Variants in SPTLC1 observed in about 807,000 individuals in gnomAD.
SPTLC1 encodes the protein serine palmitoyltransferase 1.
In SPTLC1, 55 loss-of-function variants were observed where a neutral mutation model predicts 68.9. That is an observed-to-expected ratio of 0.80 (90% confidence interval 0.64 to 1.00). SPTLC1 has a LOEUF of 1.00. SPTLC1 is among the 50% of genes least tolerant of loss of function. The pLI is 0.00. For missense variants in SPTLC1, 449 were observed against 573.1 expected, an observed-to-expected ratio of 0.78 and a Z score of 2.21; for synonymous variants, 197 against 201.6, an observed-to-expected ratio of 0.98 and a Z score of 0.19.
chr9:92,057,607 C>T (rs1211662265), intron 7 of SPTLC1, among the ~76,000 whole-genome samples: 1 of 152,142 alleles, frequency 6.6e-6, no homozygotes, highest in African/African-American at 2.4e-5. Context: ...TATGTGTATT[C>T]CTTTTATGAA....
In SPTLC1 at chr9:92,032,454, C is replaced by T. The variant is rs200727312; in HGVS notation, c.*11G>A. 133 of 1,614,010 alleles carry T rather than the reference C, an allele frequency of 8.2e-5. No individual in the cohort carries two copies. The highest frequency in any genetic ancestry group is 1.5e-4 in the South Asian group (14 of 91,084). Reference sequence around the variant, plus strand: ...GTTGTGTGGCAGGAGGCCATGGTCCCGGGACTCTGCCTAGAGCAGGACGGC... The same window carrying T: ...GTTGTGTGGCAGGAGGCCATGGTCCTGGGACTCTGCCTAGAGCAGGACGGC... On this transcript the variant is annotated 3_prime_UTR_variant, in exon 15 of 15. Transcript: ENST00000262554.
chr9:92,058,027 A>C (rs1833956386), intron 7 of SPTLC1, among the ~76,000 whole-genome samples: 1 of 152,250 alleles, frequency 6.6e-6, no homozygotes. Context: ...CAGTTCTAGT[A>C]CTGAAAACAG....
chr9:92,077,682 A>G (rs1834731435), intron 5 of SPTLC1, among the ~76,000 whole-genome samples: 1 of 152,126 alleles, frequency 6.6e-6, no homozygotes, highest in African/African-American at 2.4e-5. Context: ...CCTACTAACC[A>G]TTCTCACGTA....
At chr9:92,103,059 A>T (rs1174679631) in intron 3 of SPTLC1, among the ~76,000 whole-genome samples, 1 of 152,226 alleles carries the variant, frequency 6.6e-6, no homozygotes, top group Non-Finnish European at 1.5e-5. Flanking sequence ...TGAACTCGTA[A>T]ATAATGTATT....
At chr9:92,084,077 T>C (rs888846283) in intron 3 of SPTLC1, among the ~76,000 whole-genome samples, 3 of 151,908 alleles carry the variant, frequency 2.0e-5, no homozygotes, top group Admixed American at 6.6e-5. Context: ...CTTGTGATTT[T>C]TGTACATTGA....
rs1364940103 is a variant in SPTLC1 at position 92,049,954 on chromosome 9, A to G, written c.888+6T>C. The stretch of plus-strand genomic sequence containing the variant: ...GGGGAAACGTTCTTAAAAAAGGGGA[A>G]CTTACATTGATTCCATAGTGTTCAG... On this transcript the variant is annotated splice_donor_region_variant and intron_variant, in intron 9 of 14. Coordinates refer to ENST00000262554, the MANE Select transcript of SPTLC1 (RefSeq NM_006415.4). The G allele has an allele frequency of 6.3e-7, 1 of 1,577,616 alleles. No individual in the cohort carries two copies. Among genetic ancestry groups the G allele is most frequent in the Non-Finnish European group, 8.7e-7 (1 of 1,146,782 alleles).
chr9:92,046,158 C>T, intron 11 of SPTLC1, 105 bp from the exon 12 acceptor site: 3 of 984,160 alleles, frequency 3.0e-6, no homozygotes, highest in Non-Finnish European at 3.1e-6. Context: ...TAAAATGCTA[C>T]AAATCCTTCT....
At chr9:92,073,851 GGCGTACAAACC>G (rs2118638242) in intron 5 of SPTLC1, among the ~76,000 whole-genome samples, 1 of 152,276 alleles carries the variant, frequency 6.6e-6, no homozygotes, top group Admixed American at 6.5e-5. Flanking sequence ...AAAACTTCAA[GGCGTACAAACC>G]GCAGCGTTTA....
chr9:92,045,876 G>A (rs1833495818), intron 12 of SPTLC1, 123 bp downstream of exon 12: 1 of 795,862 alleles, frequency 1.3e-6, no homozygotes, highest in African/African-American at 1.7e-5. Context: ...AGTGAACTAA[G>A]TTTTTGGTTT....
At chr9:92,086,398 G>A (rs1367240999) in intron 3 of SPTLC1, among the ~76,000 whole-genome samples, 1 of 152,208 alleles carries the variant, frequency 6.6e-6, no homozygotes, top group African/African-American at 2.4e-5. Flanking sequence ...TCCTTTCCAT[G>A]TTTAATGCTT....
At chr9:92,101,538 G>C (rs1480582598) in intron 3 of SPTLC1, among the ~76,000 whole-genome samples, 1 of 136,134 alleles carries the variant, frequency 7.3e-6, no homozygotes, top group Non-Finnish European at 1.6e-5. Context: ...CTCCAGCCTG[G>C]GCGACAGAGC....
In SPTLC1 at chr9:92,031,970, G is replaced by A. The variant is rs953043923; in HGVS notation, c.*495C>T. The A allele has an allele frequency of 1.8e-5, 5 of 273,992 alleles. No homozygotes were observed. Among genetic ancestry groups the A allele is most frequent in the South Asian group, 2.2e-4 (2 of 9,218 alleles). 17.0% of individuals were successfully genotyped at this position (273,992 alleles called of 1,614,324 possible). Reference sequence around the variant, plus strand: ...ATTTAGCTTCACACAACGAAGACTGGAAAATACGTGGTTTATTTAGATCTT... The same window carrying A: ...ATTTAGCTTCACACAACGAAGACTGAAAAATACGTGGTTTATTTAGATCTT... On this transcript the variant is annotated 3_prime_UTR_variant, in exon 15 of 15. Coordinates refer to ENST00000262554, the MANE Select transcript of SPTLC1 (RefSeq NM_006415.4).
In SPTLC1 at chr9:92,104,303, G is replaced by A. The variant is rs375753414; in HGVS notation, c.260+4437C>T. The A allele has an allele frequency of 7.0e-5, 96 of 1,373,704 alleles. No individual in the cohort carries two copies. In the Middle Eastern group the frequency reaches 2.1e-3, roughly 30 times the overall value. 85.1% of individuals were successfully genotyped at this position (1,373,704 alleles called of 1,614,324 possible). ...GTCCGTGAGGCCTTCCCAGCTGGCC[G>A]GGCTCACCCCGCGGCTCCTGCACCT... On this transcript the variant is annotated intron_variant, in intron 3 of 14. Transcript: ENST00000262554.
At chr9:92,083,271 T>C (rs1834966503) in intron 3 of SPTLC1, among the ~76,000 whole-genome samples, 1 of 152,222 alleles carries the variant, frequency 6.6e-6, no homozygotes, top group Non-Finnish European at 1.5e-5. Flanking sequence ...AATTTTGGCT[T>C]TTGTTGCCAT....
At chr9:92,036,133 GATAT>G (rs1833131290) in intron 13 of SPTLC1, among the ~76,000 whole-genome samples, 2 of 152,188 alleles carry the variant, frequency 1.3e-5, no homozygotes, top group African/African-American at 4.8e-5. Context: ...GAAGCGGGAA[GATAT>G]ATGTATTTTT....
rs185828783 is a variant in SPTLC1, at chr9:92,097,331, A to G, written c.260+11409T>C. The stretch of plus-strand genomic sequence containing the variant: ...ACTCCTAGGTATATATCCAAGAAAA[A>G]TTAAAACATTATGCCCATGCAAAAA... On this transcript the variant is annotated intron_variant, in intron 3 of 14. Transcript: ENST00000262554. 3.9e-3 allele frequency among the ~76,000 whole-genome samples: 595 copies of G among 152,374 alleles called. 4 individuals are homozygous for G. The highest frequency in any genetic ancestry group is 6.3e-3 in the Non-Finnish European group (429 of 68,030).
At chr9:92,050,811 A>ATGTTTTTTTTTTTTTT (rs1491140831) in intron 8 of SPTLC1, 1 of 104,978 alleles carries the variant, frequency 9.5e-6, no homozygotes, top group African/African-American at 4.7e-5. Context: ...CACAATACTG[A>ATGTTTTTTTTTTTTTT]TTTTTTTTTT....
At chr9:92,081,246 G>C (rs894642172) in intron 3 of SPTLC1, among the ~76,000 whole-genome samples, 1 of 152,116 alleles carries the variant, frequency 6.6e-6, no homozygotes, top group Admixed American at 6.6e-5. Flanking sequence ...AAATGCTTTG[G>C]TTTTAAAACT....
chr9:92,069,138 T>A (rs570932691), intron 5 of SPTLC1, among the ~76,000 whole-genome samples: 7 of 152,120 alleles, frequency 4.6e-5, no homozygotes, highest in Non-Finnish European at 1.0e-4. Flanking sequence ...ATGTGTCTAC[T>A]GATGAGAACC....
Sources: allele counts gnomAD v4.1 joint callset (sites outside exome capture counted in the v4.1 genomes callset), GRCh38; gene constraint gnomAD v4.1.1; transcripts MANE v1.5; gene names NCBI Gene and HGNC (gene_info 2026-07-23, HGNC 2026-07-21).